IL3RA: variants seen among roughly 807,000 people sequenced by gnomAD.
The protein encoded by IL3RA is interleukin 3 receptor subunit alpha.
In IL3RA, 73 loss-of-function variants were observed where a neutral mutation model predicts 52.3. That is an observed-to-expected ratio of 1.40 (90% CI 1.16 to 1.70). IL3RA has a LOEUF of 1.70. Ranked by LOEUF, IL3RA falls within the 40% of genes most tolerant of loss-of-function variation. The pLI, the probability that IL3RA is intolerant of heterozygous loss-of-function variation, is 0.00. For synonymous variants in IL3RA, 260 were observed against 194.0 expected (o/e 1.34, Z -2.83); for missense variants, 664 against 504.4 (o/e 1.32, Z -3.03).
intron 4 of IL3RA, among the ~76,000 whole-genome samples, chrX:1,351,549 G>A (rs771731288): frequency 2.0e-5 from 3 of 151,244 alleles, no homozygotes; most frequent in Admixed American, 6.6e-5. Flanking sequence ...GGCCGGTCTC[G>A]AACTCCGGAC....
At chrX:1,380,728 CTG>C (rs1488104551) in intron 10 of IL3RA, among the ~76,000 whole-genome samples, 3 of 150,486 alleles carry the variant, frequency 2.0e-5, no homozygotes, top group Non-Finnish European at 4.4e-5. Context: ...TTCCTGCAAG[CTG>C]TCTCAGGTCG....
rs766170874 is a variant in IL3RA at position 1,358,887 on chromosome X, G to A, written c.759G>A (p.Gln253=). The change falls in exon 8 of 12, where the codon CAG becomes CAA. Residue 253 remains glutamine (Q), a splice_region_variant and synonymous_variant. Transcript: ENST00000331035. ...GAATGCAGCCTGTAATCACAGAACA[G>A]GTGAGTGTTCCCTACCCCCAGCCGC... is the stretch of plus-strand genomic sequence containing the variant. ...QKRMQPVITE[Q]VRDRTSFQLL... The A allele has an allele frequency of 6.2e-7, 1 of 1,612,230 alleles. No homozygotes were observed. The highest frequency in any genetic ancestry group is 1.3e-5 in the African/African-American group (1 of 74,948).
At chrX:1,358,950 T>G (rs2086944762) in intron 8 of IL3RA, 63 bp downstream of exon 8, 1 of 1,261,012 alleles carries the variant, frequency 7.9e-7, no homozygotes, top group South Asian at 1.9e-5. Context: ...TTATTATTAT[T>G]AAGAATAAAA....
chrX:1,380,636 AGAGGGG>A (rs2089131310), intron 10 of IL3RA, among the ~76,000 whole-genome samples: 1 of 38,584 alleles, frequency 2.6e-5, no homozygotes, highest in Non-Finnish European at 4.8e-5. Context: ...GGAAGGAGGG[AGAGGGG>A]GAGGGGGAGA....
At chrX:1,366,485 A>C (rs866840967) in intron 9 of IL3RA, among the ~76,000 whole-genome samples, 1 of 56,684 alleles carries the variant, frequency 1.8e-5, no homozygotes, top group African/African-American at 6.7e-5. Context: ...GAGCGGGGTG[A>C]GCCGGGTGCC....
At chrX:1,355,510 GCCCAGGGGAGA>G (rs1285938865) in intron 6 of IL3RA, among the ~76,000 whole-genome samples, 3 of 149,082 alleles carry the variant, frequency 2.0e-5, no homozygotes, top group African/African-American at 7.4e-5. Flanking sequence ...CCTTCCAGGG[GCCCAGGGGAGA>G]CCCAGCCAGG....
chrX:1,359,478 T>C (rs1447676867), intron 8 of IL3RA, among the ~76,000 whole-genome samples: 1 of 151,746 alleles, frequency 6.6e-6, no homozygotes, highest in Non-Finnish European at 1.5e-5. Flanking sequence ...CCTCCCTCTC[T>C]TTCTCTCTCT....
rs1398755405 is a variant in IL3RA, at chrX:1,367,503, G to C, written c.874+2251G>C. The stretch of plus-strand genomic sequence containing the variant: ...GGTGCGCGGGGTGAGCCGGGTGCGC[G>C]GGGTGAGCCGGGTGCGCGGGGTGCG... On this transcript the variant is annotated intron_variant, in intron 9 of 11. Transcript: ENST00000331035. 3.7e-5 allele frequency among the ~76,000 whole-genome samples: 3 copies of C among 81,492 alleles called. No homozygotes were observed. The East Asian group carries it at 1.4e-3, about 38-fold the overall frequency. 53.5% of individuals were successfully genotyped at this position (81,492 alleles called of 152,430 possible).
chrX:1,356,507 C>T lies in IL3RA; in HGVS notation c.732+171C>T, dbSNP rs1345838734. ...ACAAAAGGCCGGGCGCTGTGGCTCA[C>T]GCCTGTCATCCCAGCACTTTGGGAG... On this transcript the variant is annotated intron_variant, in intron 7 of 11. Coordinates refer to ENST00000331035, the MANE Select transcript of IL3RA (RefSeq NM_002183.4). 3.3e-5 allele frequency among the ~76,000 whole-genome samples: 5 copies of T among 152,128 alleles called. No homozygotes were observed. In the East Asian group the frequency reaches 5.8e-4, roughly 18 times the overall value.
chrX:1,378,776 A>T lies in IL3RA; in HGVS notation c.980+12A>T. 1 of 1,609,970 alleles carries T rather than the reference A, an allele frequency of 6.2e-7. No individual in the cohort carries two copies. On this transcript the variant is annotated intron_variant, in intron 10 of 11. Transcript: ENST00000331035. Reference sequence around the variant, plus strand: ...GTGATCTGCAGAAGGTGAGCCCTCGAGGGCGTCCGCGAGCGTCGCTTGTTT... The same window carrying T: ...GTGATCTGCAGAAGGTGAGCCCTCGTGGGCGTCCGCGAGCGTCGCTTGTTT...
At chrX:1,377,105 C>CA (rs34889366) in intron 9 of IL3RA, among the ~76,000 whole-genome samples, 1 of 141,480 alleles carries the variant, frequency 7.1e-6, no homozygotes, top group African/African-American at 2.5e-5. Flanking sequence ...CTGTGGGACA[C>CA]GGAGAAGACG....
At chrX:1,345,006 C>CAA (rs59723587) in intron 2 of IL3RA, among the ~76,000 whole-genome samples, 5 of 138,794 alleles carry the variant, frequency 3.6e-5, no homozygotes, top group East Asian at 2.1e-4. Flanking sequence ...ACTAAAAATA[C>CAA]AAAAAAAAAA....
chrX:1,368,688 C>G lies in IL3RA; in HGVS notation c.874+3436C>G, dbSNP rs144818836. Among the ~76,000 whole-genome samples the G allele has an allele frequency of 3.0e-3, 457 of 152,102 alleles. 3 individuals are homozygous for G. Among genetic ancestry groups the G allele is most frequent in the African/African-American group, 0.01 (430 of 41,492 alleles). On this transcript the variant is annotated intron_variant, in intron 9 of 11. Coordinates refer to ENST00000331035, the MANE Select transcript of IL3RA (RefSeq NM_002183.4). The stretch of plus-strand genomic sequence containing the variant: ...GAGGAGATGAGGACACAGACACACA[C>G]AGAGGGACGACCCTGTGGGACACAG...
At chrX:1,342,400 A>C in intron 2 of IL3RA, among the ~76,000 whole-genome samples, 1 of 151,918 alleles carries the variant, frequency 6.6e-6, no homozygotes. Flanking sequence ...TGCTGACCAC[A>C]AGTGATCCGT....
chrX:1,360,766 G>A (rs1158438872), intron 8 of IL3RA, among the ~76,000 whole-genome samples: 17 of 151,604 alleles, frequency 1.1e-4, no homozygotes, highest in South Asian at 2.1e-4. Context: ...GACCTCAGGC[G>A]ATCCACCTGC....
At chrX:1,355,662 G>C (rs1232305018) in intron 6 of IL3RA, among the ~76,000 whole-genome samples, 8 of 151,722 alleles carry the variant, frequency 5.3e-5, no homozygotes, top group African/African-American at 1.9e-4. Context: ...GGGCGGAGGT[G>C]GGGGAGGTGA....
intron 9 of IL3RA, among the ~76,000 whole-genome samples, chrX:1,373,938 TG>T (rs2088625573): frequency 2.7e-5 from 1 of 36,364 alleles, no homozygotes; most frequent in Non-Finnish European, 4.3e-5. Flanking sequence ...TCCAGGGCTG[TG>T]GGAGAATCAA....
At chrX:1,339,855 T>G (rs1482417276) in intron 1 of IL3RA, among the ~76,000 whole-genome samples, 1 of 151,686 alleles carries the variant, frequency 6.6e-6, no homozygotes, top group Non-Finnish European at 1.5e-5. Flanking sequence ...CAGAGCACAG[T>G]GTAGGAGAGC....
chrX:1,376,978 A>G (rs1769236474), intron 9 of IL3RA, among the ~76,000 whole-genome samples: 1 of 137,714 alleles, frequency 7.3e-6, no homozygotes, highest in African/African-American at 2.8e-5. Context: ...GGGAGAATCA[A>G]TGTGTTTTGT....
Sources: gnomAD v4.1 joint callset for allele counts (sites outside exome capture counted in the v4.1 genomes callset) on GRCh38, gnomAD v4.1.1 for gene constraint, MANE v1.5 for transcripts, NCBI Gene and HGNC (gene_info 2026-07-23, HGNC 2026-07-21) for gene names.